NXN: variants seen among roughly 807,000 people sequenced by gnomAD.
The protein encoded by NXN is nucleoredoxin.
In NXN, 16 loss-of-function variants were observed where a neutral mutation model predicts 48.6. The observed-to-expected ratio is 0.33, with a 90% CI of 0.22 to 0.50. The LOEUF is 0.50. NXN is among the 20% of genes least tolerant of loss of function. NXN has a pLI of 0.98. For missense variants in NXN, 492 were observed against 605.5 expected (o/e 0.81, Z 1.97); for synonymous variants, 281 against 269.6 (o/e 1.04, Z -0.41).
chr17:913,746 A>C (rs192199853), intron 1 of NXN, among the ~76,000 whole-genome samples: 1 of 152,280 alleles, frequency 6.6e-6, no homozygotes, highest in East Asian at 1.9e-4. Context: ...TTATCCTTGT[A>C]GTAAAAGAGC....
In NXN at chr17:808,855, T is replaced by C. The variant is rs1179009208; in HGVS notation, c.821-3608A>G. On this transcript the variant is annotated intron_variant, in intron 5 of 7. Coordinates refer to ENST00000336868, the MANE Select transcript of NXN (RefSeq NM_022463.5). ...ACACCTGGCTCATTTTTTTAATTTT[T>C]TAGTAGAGACGGGGTTTCACCATGT... 3.3e-5 allele frequency among the ~76,000 whole-genome samples: 5 copies of C among 150,668 alleles called. No homozygotes were observed. In the East Asian group the frequency reaches 9.7e-4, roughly 29 times the overall value.
At chr17:889,741 A>AAG (rs1279788471) in intron 1 of NXN, among the ~76,000 whole-genome samples, 10 of 72,128 alleles carry the variant, frequency 1.4e-4, no homozygotes, top group Admixed American at 2.7e-4. Flanking sequence ...GAAAGAAAGA[A>AAG]AGAAAGAAAG....
At chr17:940,879 C>A in intron 1 of NXN, among the ~76,000 whole-genome samples, 1 of 150,148 alleles carries the variant, frequency 6.7e-6, no homozygotes, top group East Asian at 1.9e-4. Flanking sequence ...GCCATGAATT[C>A]ACCAAACACC....
At chr17:921,506 G>A (rs886955196) in intron 1 of NXN, among the ~76,000 whole-genome samples, 4 of 152,026 alleles carry the variant, frequency 2.6e-5, no homozygotes, top group Non-Finnish European at 5.9e-5. Context: ...GGTCCCCTAC[G>A]CCAGCCCCTC....
chr17:921,387 C>T (rs544650308), intron 1 of NXN, among the ~76,000 whole-genome samples: 5 of 152,232 alleles, frequency 3.3e-5, no homozygotes, highest in Admixed American at 6.5e-5. Flanking sequence ...CAGCGGAACC[C>T]GTCATCTTGT....
chr17:866,209 C>T (rs1022593477), intron 1 of NXN, among the ~76,000 whole-genome samples: 3 of 151,786 alleles, frequency 2.0e-5, no homozygotes, highest in African/African-American at 7.3e-5. Context: ...TTAAATCAGA[C>T]GTTTCTTTTG....
intron 1 of NXN, among the ~76,000 whole-genome samples, chr17:859,863 T>C (rs2068024132): frequency 6.6e-6 from 1 of 152,126 alleles, no homozygotes; most frequent in South Asian, 2.1e-4. Context: ...CCGAGCAAAT[T>C]AACAGAGGGA....
intron 1 of NXN, among the ~76,000 whole-genome samples, chr17:899,607 A>G (rs951503321): frequency 3.9e-5 from 6 of 152,192 alleles, no homozygotes; most frequent in African/African-American, 1.4e-4. Flanking sequence ...GCCTTAAAAA[A>G]CAAAACCACG....
intron 1 of NXN, among the ~76,000 whole-genome samples, chr17:884,822 C>T (rs890912030): frequency 2.0e-5 from 3 of 152,150 alleles, no homozygotes; most frequent in African/African-American, 4.8e-5. Context: ...CTGGATGTCC[C>T]GATAAAACAT....
intron 1 of NXN, among the ~76,000 whole-genome samples, chr17:974,657 G>A (rs890994412): frequency 6.6e-6 from 1 of 151,544 alleles, no homozygotes; most frequent in Admixed American, 6.6e-5. Flanking sequence ...GCAGAGCGGG[G>A]GCGTGAACTC....
intron 1 of NXN, among the ~76,000 whole-genome samples, chr17:870,668 C>G (rs899761557): frequency 6.6e-6 from 1 of 151,316 alleles, no homozygotes; most frequent in Non-Finnish European, 1.5e-5. Flanking sequence ...GGTGGGAGGA[C>G]TGGTTAAGCC....
intron 1 of NXN, among the ~76,000 whole-genome samples, chr17:901,065 C>T (rs1322921970): frequency 2.0e-5 from 3 of 151,984 alleles, no homozygotes; most frequent in Admixed American, 1.3e-4. Context: ...GGATTGCAGG[C>T]ATCCACCACC....
chr17:976,529 T>C (rs935623104), intron 1 of NXN, among the ~76,000 whole-genome samples: 5 of 152,174 alleles, frequency 3.3e-5, no homozygotes, highest in Admixed American at 1.3e-4. Context: ...CAAAATTCCC[T>C]TCTCTAGAGT....
At chr17:953,807 C>T (rs974294557) in intron 1 of NXN, among the ~76,000 whole-genome samples, 2 of 151,922 alleles carry the variant, frequency 1.3e-5, no homozygotes, top group East Asian at 3.9e-4. Context: ...CGTGGTGACA[C>T]GCGCCTGTAG....
intron 1 of NXN, chr17:864,227 T>C: frequency 1.6e-6 from 2 of 1,213,906 alleles, no homozygotes; most frequent in Non-Finnish European, 2.2e-6. Flanking sequence ...TCATGGTACT[T>C]GTCTTCAACT....
chr17:814,911 G>C lies in NXN; in HGVS notation c.820+4528C>G, dbSNP rs532253436. On this transcript the variant is annotated intron_variant, in intron 5 of 7. Transcript: ENST00000336868. ...CTCCCGAGTAGCTGGGATTATAGGTGACCACCACCACGCCTGGCTAATTTT... is the reference window on the plus strand; with the variant it reads ...CTCCCGAGTAGCTGGGATTATAGGTCACCACCACCACGCCTGGCTAATTTT... Among the ~76,000 whole-genome samples, 9 of 152,236 alleles carry C rather than the reference G, an allele frequency of 5.9e-5. No individual in the cohort carries two copies. In the South Asian group the frequency reaches 1.9e-3, roughly 32 times the overall value.
chr17:879,547 A>G (rs2068260971), intron 1 of NXN, among the ~76,000 whole-genome samples: 1 of 151,960 alleles, frequency 6.6e-6, no homozygotes, highest in Non-Finnish European at 1.5e-5. Flanking sequence ...TCGGCCTCCC[A>G]AAGTGCTGGG....
At chr17:814,249 ACT>A (rs1041444478) in intron 5 of NXN, among the ~76,000 whole-genome samples, 3 of 151,952 alleles carry the variant, frequency 2.0e-5, no homozygotes, top group African/African-American at 4.8e-5. Flanking sequence ...ATAGAGTGAG[ACT>A]CTGTCTCAAA....
At position 917,438 on chromosome 17, in the gene NXN, C is replaced by T. The variant is rs899221101; in HGVS notation, c.360+61881G>A. On this transcript the variant is annotated intron_variant, in intron 1 of 7. Transcript: ENST00000336868. This position sits in a 1 kb window ranked among gnomAD's most constrained non-coding sequence, Gnocchi z 4.5. The stretch of plus-strand genomic sequence containing the variant: ...CTCTGAAAGAACAGGCGGGAGCCGC[C>T]GCTCACATCTTTACTCATGAACCTA... 6.6e-5 allele frequency among the ~76,000 whole-genome samples: 10 copies of T among 152,212 alleles called. No individual in the cohort carries two copies. The highest frequency in any genetic ancestry group is 1.9e-4 in the East Asian group (1 of 5,198).
Sources: allele counts gnomAD v4.1 joint callset (sites outside exome capture counted in the v4.1 genomes callset), GRCh38; gene constraint gnomAD v4.1.1; non-coding constraint Gnocchi (gnomAD v3.1); transcripts MANE v1.5; gene names NCBI Gene and HGNC (gene_info 2026-07-23, HGNC 2026-07-21).